The following CDH20 variants were observed in gnomAD, a reference collection of about 807,000 sequenced individuals.
The protein encoded by CDH20 is cadherin-20.
A neutral mutation model predicts 74.2 loss-of-function variants in CDH20; 29 were observed. The observed-to-expected ratio is 0.39, with a 90% CI of 0.29 to 0.53. The LOEUF (loss-of-function observed/expected upper bound fraction) is 0.53, where lower values mean the gene tolerates loss of function less well. Among genes scored for constraint, CDH20 ranks in the 20% least tolerant of loss-of-function variants. CDH20 has a pLI of 0.69. For synonymous variants in CDH20, 469 were observed against 405.4 expected (o/e 1.16, Z -1.88); for missense variants, 988 against 1,048.3 (o/e 0.94, Z 0.79).
Position 61,490,648 on chromosome 18 carries a change from T to C in CDH20, c.95T>C (p.Val32Ala). ...GGGCTGATGGACCTTACGACCACCG[T>C]TCTCTCGGACACCCCAACACCACAA... ...FWGLMDLTTT[V>A]LSDTPTPQGE... Residue 32 changes from valine (V) to alanine (A), a missense_variant, in exon 2 of 12, where the codon GTT (valine) becomes GCT (alanine). Val to Ala is a moderately conservative substitution (Grantham distance 64, BLOSUM62 0). Coordinates refer to ENST00000262717, the MANE Select transcript of CDH20 (RefSeq NM_031891.4). 6.2e-7 allele frequency: 1 copy of C among 1,614,116 alleles called. No homozygotes were observed. The highest frequency in any genetic ancestry group is 8.5e-7 in the Non-Finnish European group (1 of 1,180,026).
rs1910258884 is a variant in CDH20, at chr18:61,473,464, A to G, written c.-152-16938A>G. ...GCCTCATAAGAACAAAAACTGGTAA[A>G]GTTTACACGGGTTTCTTTTAGTAAT... On this transcript the variant is annotated intron_variant, in intron 1 of 11. Coordinates refer to ENST00000262717, the MANE Select transcript of CDH20 (RefSeq NM_031891.4). 3.9e-5 allele frequency among the ~76,000 whole-genome samples: 6 copies of G among 152,216 alleles called. No homozygotes were observed. In the South Asian group the frequency reaches 1.2e-3, roughly 32 times the overall value.
intron 1 of CDH20, among the ~76,000 whole-genome samples, chr18:61,431,488 G>C (rs1337223136): frequency 6.6e-6 from 1 of 152,016 alleles, no homozygotes; most frequent in South Asian, 2.1e-4. Context: ...ATAACATATT[G>C]ATATTTGTTC....
At chr18:61,459,664 C>G (rs1334433510) in intron 1 of CDH20, among the ~76,000 whole-genome samples, 1 of 152,130 alleles carries the variant, frequency 6.6e-6, no homozygotes, top group African/African-American at 2.4e-5. Flanking sequence ...GGCCCCACCC[C>G]GGGGTGACCT....
At chr18:61,341,519 T>G (rs762176598) in intron 1 of CDH20, among the ~76,000 whole-genome samples, 56 of 152,284 alleles carry the variant, frequency 3.7e-4, no homozygotes, top group Non-Finnish European at 7.4e-4. Context: ...CATCTCATCT[T>G]CATTTTCTAA....
At chr18:61,536,300 T>G (rs567102501) in intron 7 of CDH20, among the ~76,000 whole-genome samples, 193 bp from the exon 8 acceptor site, 12 of 152,294 alleles carry the variant, frequency 7.9e-5, no homozygotes, top group African/African-American at 2.9e-4. Context: ...TGAAGCAATA[T>G]TTGTTTTGTT....
chr18:61,517,703 T>TGTA (rs1912049874), intron 6 of CDH20, among the ~76,000 whole-genome samples: 1 of 150,784 alleles, frequency 6.6e-6, no homozygotes, highest in Non-Finnish European at 1.5e-5. Flanking sequence ...TTTTTGTTGT[T>TGTA]GTTGTTGTTT....
At chr18:61,544,966 A>G (rs1568185101) in intron 9 of CDH20, 61 bp from the exon 10 acceptor site, 1 of 1,107,066 alleles carries the variant, frequency 9.0e-7, no homozygotes, top group East Asian at 2.4e-5. Flanking sequence ...TTGGGATTTA[A>G]CTGGGCCCTG....
intron 2 of CDH20, among the ~76,000 whole-genome samples, chr18:61,495,097 G>GA (rs924900567): frequency 8.6e-5 from 13 of 151,732 alleles, no homozygotes; most frequent in African/African-American, 1.5e-4. Flanking sequence ...TTTTAGGAAG[G>GA]AAAAAAAACA....
rs554188036 is a variant in CDH20, at chr18:61,550,702, T to C, written c.1900+473T>C. Among the ~76,000 whole-genome samples the C allele has an allele frequency of 2.0e-5, 3 of 152,286 alleles. No homozygotes were observed. In the South Asian group the frequency reaches 6.2e-4, roughly 32 times the overall value. On this transcript the variant is annotated intron_variant, in intron 11 of 11. Transcript: ENST00000262717. ...CCAGGGCTGAAATGCAGGCAGGCTA[T>C]ATACACTGGGCACCCCTGTGGCTCA...
chr18:61,357,113 A>G (rs1331593479), intron 1 of CDH20, among the ~76,000 whole-genome samples: 2 of 152,176 alleles, frequency 1.3e-5, no homozygotes, highest in East Asian at 1.9e-4. Context: ...TCTGCTTCCA[A>G]CTTGCCTCCC....
chr18:61,451,206 G>A (rs181357002), intron 1 of CDH20, among the ~76,000 whole-genome samples: 1 of 152,004 alleles, frequency 6.6e-6, no homozygotes, highest in African/African-American at 2.4e-5. Context: ...CCCAGGGACA[G>A]TGGTATGTTG....
At chr18:61,435,854 T>C in intron 1 of CDH20, among the ~76,000 whole-genome samples, 1 of 152,090 alleles carries the variant, frequency 6.6e-6, no homozygotes, top group South Asian at 2.1e-4. Flanking sequence ...TGTGTAACAA[T>C]CACCACAATT....
At chr18:61,466,584 T>C (rs1909969995) in intron 1 of CDH20, among the ~76,000 whole-genome samples, 1 of 152,168 alleles carries the variant, frequency 6.6e-6, no homozygotes. Flanking sequence ...GAGGATTAAG[T>C]CCATGGAAAT....
At chr18:61,418,135 G>C (rs964284798) in intron 1 of CDH20, among the ~76,000 whole-genome samples, 1 of 152,112 alleles carries the variant, frequency 6.6e-6, no homozygotes, top group Non-Finnish European at 1.5e-5. Flanking sequence ...AAGTAATCTT[G>C]CCCGTTGAAT....
intron 1 of CDH20, among the ~76,000 whole-genome samples, chr18:61,380,216 G>A (rs1372077201): frequency 6.6e-6 from 1 of 152,110 alleles, no homozygotes; most frequent in Non-Finnish European, 1.5e-5. Flanking sequence ...AGTTAGCTTT[G>A]AGCTTGCAAA....
intron 7 of CDH20, among the ~76,000 whole-genome samples, chr18:61,534,650 C>T (rs1912758775): frequency 6.6e-6 from 1 of 152,168 alleles, no homozygotes; most frequent in Non-Finnish European, 1.5e-5. Context: ...CACAGAAAGA[C>T]AAATACCACA....
At chr18:61,530,106 A>C (rs977442381) in intron 7 of CDH20, among the ~76,000 whole-genome samples, 3 of 152,236 alleles carry the variant, frequency 2.0e-5, no homozygotes. Context: ...TGAAATTCCA[A>C]TGATCAGATC....
At chr18:61,472,451 T>A (rs916132280) in intron 1 of CDH20, among the ~76,000 whole-genome samples, 18 of 152,170 alleles carry the variant, frequency 1.2e-4, no homozygotes, top group Non-Finnish European at 2.9e-5. Context: ...GAGGGCCACT[T>A]TAAGTTGTCC....
chr18:61,354,354 T>C (rs1274524496), intron 1 of CDH20, among the ~76,000 whole-genome samples: 2 of 152,156 alleles, frequency 1.3e-5, no homozygotes, highest in African/African-American at 2.4e-5. Flanking sequence ...ACGCCTGTGG[T>C]CCCAGAACTT....
Sources: allele counts gnomAD v4.1 joint callset (sites outside exome capture counted in the v4.1 genomes callset), GRCh38; gene constraint gnomAD v4.1.1; transcripts MANE v1.5; gene names NCBI Gene and HGNC (gene_info 2026-07-23, HGNC 2026-07-21).